Variants in TRAK1 observed in about 807,000 individuals in gnomAD.
The protein encoded by TRAK1 is trafficking kinesin-binding protein 1.
A neutral mutation model predicts 92.1 loss-of-function variants in TRAK1; 33 were observed. That is an observed-to-expected ratio of 0.36 (90% confidence interval 0.27 to 0.48). The LOEUF is 0.48. TRAK1 is among the 20% of genes least tolerant of loss of function. The pLI is 0.99. For missense variants in TRAK1, 1,123 were observed against 1,257.9 expected (o/e 0.89, Z 1.62); for synonymous variants, 521 against 517.3 (o/e 1.01, Z -0.10).
rs952740719 is a variant in TRAK1, at chr3:42,217,671, A to C, written c.1964-1823A>C. ...CCTTGTTTGATTTCTTTTAAATGTTATCTCTCTTTCAACTGTGTTGTCTTA... is the reference window on the plus strand; with the variant it reads ...CCTTGTTTGATTTCTTTTAAATGTTCTCTCTCTTTCAACTGTGTTGTCTTA... On this transcript the variant is annotated intron_variant, in intron 14 of 15. Transcript: ENST00000327628. 5 of 985,066 alleles carry C rather than the reference A, an allele frequency of 5.1e-6. No individual in the cohort carries two copies. The South Asian group carries it at 1.4e-4, about 28-fold the overall frequency. 61.0% of individuals were successfully genotyped at this position (985,066 alleles called of 1,614,324 possible).
At chr3:42,104,644 G>A (rs1707267289) in intron 1 of TRAK1, among the ~76,000 whole-genome samples, 1 of 152,206 alleles carries the variant, frequency 6.6e-6, no homozygotes, top group Admixed American at 6.5e-5. Flanking sequence ...CTGACTGTTA[G>A]AAGGAAAACT....
intron 7 of TRAK1, 69 bp downstream of exon 7, chr3:42,191,705 GC>G: frequency 1.3e-6 from 2 of 1,521,510 alleles, no homozygotes; most frequent in Non-Finnish European, 1.8e-6. Context: ...ATTTGCGTCA[GC>G]CTTGCTAAAG....
intron 14 of TRAK1, chr3:42,211,968 G>GA: frequency 1.0e-6 from 1 of 985,426 alleles, no homozygotes; most frequent in South Asian, 4.7e-5. Context: ...TGATCATTTA[G>GA]ATGAGAGTTC....
chr3:42,071,666 C>T (rs546703906), intron 1 of TRAK1, among the ~76,000 whole-genome samples: 2 of 150,992 alleles, frequency 1.3e-5, no homozygotes, highest in Non-Finnish European at 2.9e-5. Context: ...TGAGATCGCA[C>T]TATTGCACTC....
intron 1 of TRAK1, among the ~76,000 whole-genome samples, chr3:42,081,861 T>A (rs1371005282): frequency 6.6e-6 from 1 of 152,260 alleles, no homozygotes; most frequent in Non-Finnish European, 1.5e-5. Context: ...AGTTTGGATG[T>A]GCCATAATTT....
chr3:42,109,933 C>G (rs960144481), intron 1 of TRAK1, among the ~76,000 whole-genome samples: 3 of 151,098 alleles, frequency 2.0e-5, no homozygotes, highest in Admixed American at 1.3e-4. Context: ...TGGGGAACAT[C>G]ACACACCGGG....
chr3:42,023,254 T>C (rs1459969032), intron 1 of TRAK1, among the ~76,000 whole-genome samples: 3 of 152,024 alleles, frequency 2.0e-5, no homozygotes, highest in Non-Finnish European at 2.9e-5. Context: ...TACTGAATTC[T>C]CTGTTTGGCA....
chr3:42,016,355 C>A (rs546042663), intron 1 of TRAK1, among the ~76,000 whole-genome samples: 9 of 152,310 alleles, frequency 5.9e-5, no homozygotes, highest in Admixed American at 6.5e-5. Context: ...CAGGCACCTG[C>A]CACCACGCCC....
At chr3:42,090,819 G>A (rs952462477), upstream of TRAK1, among the ~76,000 whole-genome samples, 3 of 152,200 alleles carry the variant, frequency 2.0e-5, no homozygotes, top group Admixed American at 6.5e-5. Context: ...GAAACAGCTC[G>A]GTGCTGTTGT....
intron 1 of TRAK1, among the ~76,000 whole-genome samples, chr3:42,015,290 T>C (rs1388737750): frequency 6.6e-6 from 1 of 152,216 alleles, no homozygotes; most frequent in East Asian, 1.9e-4. Context: ...TGGGGGATGC[T>C]GAATCGGTTT....
intron 2 of TRAK1, among the ~76,000 whole-genome samples, chr3:42,131,946 G>C (rs1163808257): frequency 6.7e-6 from 1 of 149,302 alleles, no homozygotes; most frequent in East Asian, 2.0e-4. Context: ...TATGCACCTT[G>C]TAGTCCCAGC....
At chr3:42,209,424 GAGA>G (rs1708710082) in intron 13 of TRAK1, among the ~76,000 whole-genome samples, 2 of 152,110 alleles carry the variant, frequency 1.3e-5, no homozygotes, top group South Asian at 4.1e-4. Flanking sequence ...TTTGTAAAAT[GAGA>G]AGATGTTGAG....
intron 2 of TRAK1, among the ~76,000 whole-genome samples, chr3:42,136,310 C>T (rs1019013142): frequency 1.2e-4 from 19 of 152,148 alleles, no homozygotes; most frequent in African/African-American, 3.9e-4. Context: ...GTAATGAACA[C>T]GAATGATCTT....
At chr3:42,097,325 G>A (rs1576329360) in intron 1 of TRAK1, among the ~76,000 whole-genome samples, 1 of 152,218 alleles carries the variant, frequency 6.6e-6, no homozygotes, top group African/African-American at 2.4e-5. Flanking sequence ...GAATGTACTT[G>A]TGTGAATTCC....
At chr3:42,078,170 C>G (rs1017070785) in intron 1 of TRAK1, among the ~76,000 whole-genome samples, 1 of 152,140 alleles carries the variant, frequency 6.6e-6, no homozygotes, top group Non-Finnish European at 1.5e-5. Flanking sequence ...TCTGGTTTGC[C>G]TTCCCACTAA....
chr3:42,199,253 C>A lies in TRAK1; in HGVS notation c.1190C>A (p.Thr397Asn), dbSNP rs777322057. The A allele has an allele frequency of 6.2e-7, 1 of 1,614,048 alleles. No homozygotes were observed. Among genetic ancestry groups the A allele is most frequent in the Non-Finnish European group, 8.5e-7 (1 of 1,179,996 alleles). ...QLEEAESPDI[T>N]HQKRVFETVR... ...GAAGAGGCCGAGTCTCCAGACATCACGTACGGCCACAGTTTTTACAGTTTT... is the reference window on the plus strand; with the variant it reads ...GAAGAGGCCGAGTCTCCAGACATCAAGTACGGCCACAGTTTTTACAGTTTT... The change falls in exon 11 of 16, where the codon ACT becomes AAT. Residue 397 changes from threonine (T) to asparagine (N), a missense_variant and splice_region_variant. Thr to Asn is a moderately conservative substitution (Grantham distance 65). Around this residue, in one of 3 missense-constraint regions of TRAK1, gnomAD observed 686 missense variants for 747.6 expected, o/e 0.92. Transcript: ENST00000327628.
Position 42,223,866 on chromosome 3 carries a change from C to A in TRAK1, c.*129C>A. On this transcript the variant is annotated 3_prime_UTR_variant, in exon 16 of 16. Transcript: ENST00000327628. The surrounding 1 kb of genome is among the most constrained non-coding windows in gnomAD (Gnocchi z 6.1). ...TCTGTCCACCCCCTCCTAAGCTAGA[C>A]AAATCAACCTCGTGCCTAATGGAGG... is the stretch of plus-strand genomic sequence containing the variant. 9.1e-7 allele frequency: 1 copy of A among 1,099,774 alleles called. No homozygotes were observed. Among genetic ancestry groups the A allele is most frequent in the Non-Finnish European group, 1.3e-6 (1 of 767,910 alleles). 68.1% of individuals were successfully genotyped at this position (1,099,774 alleles called of 1,614,324 possible).
intron 1 of TRAK1, among the ~76,000 whole-genome samples, chr3:42,045,547 A>G (rs1702720020): frequency 6.6e-6 from 1 of 152,038 alleles, no homozygotes; most frequent in Non-Finnish European, 1.5e-5. Context: ...AAAACCCCAA[A>G]AAACATAAAC....
intron 1 of TRAK1, among the ~76,000 whole-genome samples, chr3:42,099,751 CCATT>C (rs1367780412): frequency 6.6e-6 from 1 of 152,208 alleles, no homozygotes; most frequent in African/African-American, 2.4e-5. Context: ...TGACCGTAGA[CCATT>C]CAGGTTGTCA....
Sources: gnomAD v4.1 joint callset for allele counts (sites outside exome capture counted in the v4.1 genomes callset) on GRCh38, gnomAD v4.1.1 for gene constraint, gnomAD v4.1.1 regional missense constraint, Gnocchi (gnomAD v3.1) non-coding constraint, MANE v1.5 for transcripts, NCBI Gene and HGNC (gene_info 2026-07-23, HGNC 2026-07-21) for gene names.